C1orf167: variants seen among roughly 807,000 people sequenced by gnomAD.
C1orf167 encodes uncharacterized protein C1orf167.
A neutral mutation model predicts 176.5 loss-of-function variants in C1orf167; 153 were observed. The observed-to-expected ratio is 0.87, with a 90% CI of 0.76 to 0.99. C1orf167 has a LOEUF of 0.99. Among genes scored for constraint, C1orf167 ranks in the 50% least tolerant of loss-of-function variants. The pLI, the probability that C1orf167 is intolerant of heterozygous loss-of-function variation, is 0.00. For synonymous variants in C1orf167, 594 were observed against 752.7 expected (o/e 0.79, Z 3.45); for missense variants, 1,490 against 1,817.7 (o/e 0.82, Z 3.28).
rs1169065540 is a variant in C1orf167, at chr1:11,766,354, C to G, written c.568C>G (p.Leu190Val). Residue 190 changes from leucine to valine, a missense_variant, in exon 3 of 21, where the codon CTC becomes GTC. Leu to Val is a conservative substitution (Grantham distance 32). Transcript: ENST00000688073. The surrounding 1 kb of genome is among the most constrained non-coding windows in gnomAD (Gnocchi z 4.5). ...DFRPTEAFAP[L>V]DGHTQPGLRS... is the part of the protein sequence containing the mutation. ...CAGGCCCACTGAAGCCTTTGCCCCT[C>G]TCGATGGGCATACACAGCCAGGCCT... The G allele has an allele frequency of 7.8e-7, 1 of 1,273,982 alleles. No homozygotes were observed. The highest frequency in any genetic ancestry group is 1.3e-5 in the South Asian group (1 of 79,552). 78.9% of individuals were successfully genotyped at this position (1,273,982 alleles called of 1,614,324 possible).
intron 2 of C1orf167, among the ~76,000 whole-genome samples, chr1:11,765,014 A>G (rs926651740): frequency 8.3e-6 from 1 of 120,666 alleles, no homozygotes; most frequent in Non-Finnish European, 1.6e-5. Context: ...AGATGGCACC[A>G]CTGTGCTCTA....
chr1:11,786,851 T>C (rs1643886740), intron 16 of C1orf167: 1 of 152,262 alleles, frequency 6.6e-6, no homozygotes, highest in Non-Finnish European at 1.5e-5. Context: ...TCAGGGTCTT[T>C]TCTTTCTAGA....
In C1orf167 at chr1:11,764,389, G is replaced by A. The variant is rs1386808416; in HGVS notation, c.-12G>A. On this transcript the variant is annotated 5_prime_UTR_variant, in exon 2 of 21. Transcript: ENST00000688073. ...TGTGGAGTGGACCAAGGATACTCCT[G>A]TCCCTGAGCCCATGGAGCTAAGGTC... 7.8e-7 allele frequency: 1 copy of A among 1,289,212 alleles called. No homozygotes were observed. Among genetic ancestry groups the A allele is most frequent in the Non-Finnish European group, 1.0e-6 (1 of 988,682 alleles). The allele number at this position is 1,289,212 out of a possible 1,614,324, so 79.9% of individuals were successfully genotyped here.
chr1:11,762,847 G>A (rs1273062296), intron 1 of C1orf167, among the ~76,000 whole-genome samples: 4 of 152,240 alleles, frequency 2.6e-5, no homozygotes, highest in African/African-American at 9.6e-5. Flanking sequence ...CCCTCGTGTG[G>A]CTCCTAGGCC....
At position 11,762,285 on chromosome 1, in the gene C1orf167, A is replaced by G. The variant is rs1642542656; in HGVS notation, c.-91A>G. ...TTCAAATCCGACTGGGTGAAGGAGG[A>G]CCCGAGGAGGACCCACGCACGTGAG... On this transcript the variant is annotated 5_prime_UTR_variant, in exon 1 of 21. Transcript: ENST00000688073. 2.5e-6 allele frequency: 1 copy of G among 402,788 alleles called. No individual in the cohort carries two copies. Among genetic ancestry groups the G allele is most frequent in the Non-Finnish European group, 5.0e-6 (1 of 198,160 alleles). 25.0% of individuals were successfully genotyped at this position (402,788 alleles called of 1,614,324 possible). A position where few individuals can be genotyped will look rare whatever the true frequency, so the allele number is the denominator to read the frequency against.
At chr1:11,781,909 C>CA (rs140233984) in intron 13 of C1orf167, among the ~76,000 whole-genome samples, 3,254 of 124,498 alleles carry the variant, frequency 0.026, 48 homozygotes, top group Middle Eastern at 0.063. Context: ...GACTCCGTCT[C>CA]AAAAAAAAAA....
In C1orf167 at chr1:11,784,392, A is replaced by C. The variant is rs1280053867; in HGVS notation, c.3224A>C (p.Gln1075Pro). ...GGGCAGCAAGGCCAGGAAGATGGGC[A>C]GCAGAAGAAGGCCCGGGCCCCACAG... is the stretch of plus-strand genomic sequence containing the variant. ...SCGQQGQEDG[Q>P]QKKARAPQAF... Residue 1075 changes from glutamine (Q) to proline (P), a missense_variant, in exon 15 of 21, where the codon CAG becomes CCG. Coordinates refer to ENST00000688073, the MANE Select transcript of C1orf167 (RefSeq NM_001010881.2). The C allele has an allele frequency of 1.5e-6, 2 of 1,303,954 alleles. No individual in the cohort carries two copies. Among genetic ancestry groups the C allele is most frequent in the African/African-American group, 3.0e-5 (2 of 65,888 alleles). The allele number at this position is 1,303,954 out of a possible 1,614,324, so 80.8% of individuals were successfully genotyped here.
Position 11,788,280 on chromosome 1 carries a change from C to T in C1orf167, c.3980C>T (p.Ala1327Val). ...GCAGCGCCGGTGCCTCGAGGCACTG[C>T]TTCACGGGCTGCGGGGTTCCCAGCA... ...VPAAPVPRGT[A>V]SRAAGFPAGQ... The change falls in exon 19 of 21, where the codon GCT becomes GTT. Residue 1327 changes from alanine (A) to valine (V), a missense_variant. Ala to Val is a moderately conservative substitution (Grantham distance 64). Coordinates refer to ENST00000688073, the MANE Select transcript of C1orf167 (RefSeq NM_001010881.2). 7.7e-7 allele frequency: 1 copy of T among 1,303,832 alleles called. No homozygotes were observed. Among genetic ancestry groups the T allele is most frequent in the South Asian group, 1.2e-5 (1 of 81,016 alleles). The allele number at this position is 1,303,832 out of a possible 1,614,324, so 80.8% of individuals were successfully genotyped here. A position where few individuals can be genotyped will look rare whatever the true frequency, so the allele number is the denominator to read the frequency against.
rs767177572 is a variant in C1orf167 at position 11,768,347 on chromosome 1, C to T, written c.1542+72C>T. 1.3e-5 allele frequency: 16 copies of T among 1,228,840 alleles called. No homozygotes were observed. Among genetic ancestry groups the T allele is most frequent in the African/African-American group, 4.6e-5 (3 of 64,562 alleles). The allele number at this position is 1,228,840 out of a possible 1,614,324, so 76.1% of individuals were successfully genotyped here. On this transcript the variant is annotated intron_variant, in intron 5 of 20. Transcript: ENST00000688073. The surrounding 1 kb of genome is among the most constrained non-coding windows in gnomAD (Gnocchi z 4.5). ...GTGTCTGGGGAGGAGACTCAGTCTA[C>T]GGAGAGGACACCCACTGGGCATAGG...
chr1:11,778,207 A>G (rs10864541), intron 10 of C1orf167: 102,251 of 150,640 alleles, frequency 0.68, 35,429 homozygotes, highest in East Asian at 0.89. Flanking sequence ...CGGGAGAATC[A>G]CTTGAACCCA....
intron 16 of C1orf167, chr1:11,786,055 A>T (rs1481061326): frequency 6.6e-6 from 1 of 151,052 alleles, no homozygotes; most frequent in African/African-American, 2.4e-5. Context: ...TTCTTATTGG[A>T]AAAGTGAAAT....
chr1:11,764,869 A>G (rs1642707279), intron 2 of C1orf167, among the ~76,000 whole-genome samples: 2 of 152,142 alleles, frequency 1.3e-5, no homozygotes, highest in South Asian at 4.1e-4. Context: ...AGCCTGGCCA[A>G]TGTGGTGAAA....
chr1:11,780,999 CTTTTTTTTTT>C (rs386366239), intron 13 of C1orf167, among the ~76,000 whole-genome samples: 4 of 92,784 alleles, frequency 4.3e-5, no homozygotes, highest in South Asian at 3.8e-4. Context: ...CCCAACCAGT[CTTTTTTTTTT>C]TTTTTTTTTT....
intron 6 of C1orf167, among the ~76,000 whole-genome samples, chr1:11,770,488 C>T (rs1055150694): frequency 9.9e-5 from 15 of 150,926 alleles, no homozygotes; most frequent in Non-Finnish European, 2.2e-4. Context: ...CTCTGTTGCC[C>T]AGGCTGGAGT....
At position 11,775,631 on chromosome 1, in the gene C1orf167, G is replaced by A. The variant is rs141307296; in HGVS notation, c.2164+21G>A. The A allele has an allele frequency of 1.4e-5, 18 of 1,291,726 alleles. No individual in the cohort carries two copies. In the East Asian group the frequency reaches 4.5e-4, roughly 32 times the overall value. The allele number at this position is 1,291,726 out of a possible 1,614,324, so 80.0% of individuals were successfully genotyped here. On this transcript the variant is annotated intron_variant, in intron 9 of 20. Coordinates refer to ENST00000688073, the MANE Select transcript of C1orf167 (RefSeq NM_001010881.2). The stretch of plus-strand genomic sequence containing the variant: ...AGCAGGTGAGCTAGTGTTGGCTTCC[G>A]CCCCAGCAAACCGTGTCACTTAAGC...
rs1436479587 is a variant in C1orf167 at position 11,766,510 on chromosome 1, G to T, written c.724G>T (p.Ala242Ser). ...PSRAAVHQLL[A>S]SVHCLAQEAA... is the part of the protein sequence containing the mutation. ...CCGTGCTGCCGTCCACCAGCTGCTG[G>T]CTTCTGTACATTGCCTGGCGCAGGA... Residue 242 changes from alanine (A) to serine (S), a missense_variant, in exon 3 of 21, where the codon GCT (alanine) becomes TCT (serine). By Grantham distance (99) the Ala-to-Ser change is moderately conservative. Coordinates refer to ENST00000688073, the MANE Select transcript of C1orf167 (RefSeq NM_001010881.2). The surrounding 1 kb of genome is among the most constrained non-coding windows in gnomAD (Gnocchi z 4.5). 7.8e-7 allele frequency: 1 copy of T among 1,275,566 alleles called. No individual in the cohort carries two copies. Among genetic ancestry groups the T allele is most frequent in the African/African-American group, 1.5e-5 (1 of 65,466 alleles). The allele number at this position is 1,275,566 out of a possible 1,614,324, so 79.0% of individuals were successfully genotyped here. A position where few individuals can be genotyped will look rare whatever the true frequency, so the allele number is the denominator to read the frequency against.
chr1:11,782,521 T>C (rs1325569204), intron 14 of C1orf167, among the ~76,000 whole-genome samples, 188 bp downstream of exon 14: 1 of 152,180 alleles, frequency 6.6e-6, no homozygotes. Flanking sequence ...TTATTACCTA[T>C]TTTGGGAGTG....
At position 11,766,248 on chromosome 1, in the gene C1orf167, A is replaced by G. The variant is rs1274622107; in HGVS notation, c.462A>G (p.Leu154=). 7.8e-7 allele frequency: 1 copy of G among 1,289,678 alleles called. No individual in the cohort carries two copies. Among genetic ancestry groups the G allele is most frequent in the Non-Finnish European group, 1.0e-6 (1 of 988,822 alleles). The allele number at this position is 1,289,678 out of a possible 1,614,324, so 79.9% of individuals were successfully genotyped here. Residue 154 remains leucine, a synonymous_variant, in exon 3 of 21, where the codon CTA becomes CTG. Transcript: ENST00000688073. This position sits in a 1 kb window ranked among gnomAD's most constrained non-coding sequence, Gnocchi z 4.5. ...GPHKLPWGPL[L]SQEPLARPSS... is the part of the protein sequence containing the mutation. ...ACAAGCTTCCCTGGGGTCCTCTCCT[A>G]TCCCAAGAGCCACTGGCTCGCCCAT...
At position 11,789,292 on chromosome 1, in the gene C1orf167, G is replaced by A. The variant is rs1170244907; in HGVS notation, c.4196G>A (p.Arg1399His). ...CAGGCCTTTAAGAAGTGGCACCAACGCCTGGCAGCCAGGAGCCCAAGGAGA... is the reference window on the plus strand; with the variant it reads ...CAGGCCTTTAAGAAGTGGCACCAACACCTGGCAGCCAGGAGCCCAAGGAGA... ...GRWAFKKWHQ[R>H]LAARSPRRGA... The change falls in exon 21 of 21, where the codon CGC becomes CAC. Residue 1399 changes from arginine to histidine, a missense_variant. By Grantham distance (29) the Arg-to-His change is conservative (BLOSUM62 0). Transcript: ENST00000688073. The A allele has an allele frequency of 4.8e-5, 62 of 1,303,910 alleles. No individual in the cohort carries two copies. The highest frequency in any genetic ancestry group is 6.1e-5 in the Non-Finnish European group (60 of 988,912). 80.8% of individuals were successfully genotyped at this position (1,303,910 alleles called of 1,614,324 possible). A position where few individuals can be genotyped will look rare whatever the true frequency, so the allele number is the denominator to read the frequency against.
Sources: gnomAD v4.1 joint callset for allele counts (sites outside exome capture counted in the v4.1 genomes callset) on GRCh38, gnomAD v4.1.1 for gene constraint, Gnocchi (gnomAD v3.1) non-coding constraint, MANE v1.5 for transcripts, NCBI Gene and HGNC (gene_info 2026-07-23, HGNC 2026-07-21) for gene names.